The following CTBP2 variants were observed in gnomAD, a reference collection of about 807,000 sequenced individuals.
CTBP2 encodes the protein C-terminal-binding protein 2.
CTBP2 carries 30 observed loss-of-function variants against 80.3 expected under a neutral mutation model. The observed-to-expected ratio is 0.37, with a 90% CI of 0.28 to 0.51. The LOEUF (loss-of-function observed/expected upper bound fraction) is 0.51. Among genes scored for constraint, CTBP2 ranks in the 20% least tolerant of loss-of-function variants. The pLI, the probability that CTBP2 is intolerant of heterozygous loss-of-function variation, is 0.93. For synonymous variants in CTBP2, 594 were observed against 587.4 expected, an observed-to-expected ratio of 1.01 and a Z score of -0.16; for missense variants, 1,212 against 1,375.3, an observed-to-expected ratio of 0.88 and a Z score of 1.88.
chr10:124,993,351 A>G (rs755116393), intron 6 of CTBP2, 22 bp from the exon 9 acceptor site: 1 of 1,602,180 alleles, frequency 6.2e-7, no homozygotes, highest in South Asian at 1.1e-5. Flanking sequence ...TAGAAAAAAC[A>G]GAGTAAGCGG....
At chr10:125,099,100 C>T (rs1051852247) in intron 2 of CTBP2, among the ~76,000 whole-genome samples, 5 of 152,304 alleles carry the variant, frequency 3.3e-5, no homozygotes, top group African/African-American at 9.6e-5. Flanking sequence ...ACGTTCAGTA[C>T]GCACAGGTTT....
intron 1 of CTBP2, among the ~76,000 whole-genome samples, chr10:125,140,088 C>T (rs1353767423): frequency 6.6e-6 from 1 of 152,156 alleles, no homozygotes; most frequent in Admixed American, 6.5e-5. Context: ...AGTGTCCTCA[C>T]ACTACACTGG....
At chr10:125,136,316 G>A (rs1856972842) in intron 1 of CTBP2, among the ~76,000 whole-genome samples, 1 of 152,170 alleles carries the variant, frequency 6.6e-6, no homozygotes, top group African/African-American at 2.4e-5. Flanking sequence ...GCATGGGTGG[G>A]GCTCCCCAGG....
chr10:125,021,352 A>C (rs1345154685), intron 1 of CTBP2, among the ~76,000 whole-genome samples: 1 of 152,198 alleles, frequency 6.6e-6, no homozygotes, highest in Non-Finnish European at 1.5e-5. Flanking sequence ...ATACTTGCCC[A>C]AACACAAAGC....
In CTBP2 at chr10:124,989,555, T is replaced by A. The variant is rs1240898557; in HGVS notation, c.2921A>T (p.Lys974Ile). 6.2e-7 allele frequency: 1 copy of A among 1,613,470 alleles called. No homozygotes were observed. The highest frequency in any genetic ancestry group is 8.5e-7 in the Non-Finnish European group (1 of 1,179,852). ...GGGGTGCTCTCGATTGTCCCCGTGTTTTGTGGGCTGGTTGGGAGAGGGCGC... is the reference window on the plus strand; with the variant it reads ...GGGGTGCTCTCGATTGTCCCCGTGTATTGTGGGCTGGTTGGGAGAGGGCGC... Residue 974 changes from lysine (K) to isoleucine (I), a missense_variant, in exon 9 of 9, where the codon AAA (lysine) becomes ATA (isoleucine). This residue lies in a region of CTBP2 where 335 missense variants were observed against 504.7 expected (regional missense o/e 0.66). Coordinates refer to ENST00000309035, the MANE Select transcript of CTBP2 (RefSeq NM_022802.3).
At chr10:125,071,797 C>T (rs1041977539) in intron 2 of CTBP2, among the ~76,000 whole-genome samples, 1 of 152,134 alleles carries the variant, frequency 6.6e-6, no homozygotes, top group African/African-American at 2.4e-5. Flanking sequence ...ATGCGTACCA[C>T]CACCCCCAAA....
intron 3 of CTBP2, among the ~76,000 whole-genome samples, chr10:125,002,308 G>A (rs569991863): frequency 1.2e-3 from 176 of 152,300 alleles, no homozygotes; most frequent in African/African-American, 4.2e-3. Flanking sequence ...GAGCTCACAC[G>A]GGGTGCTGGG....
chr10:125,049,108 C>T (rs1962073849), intron 2 of CTBP2, among the ~76,000 whole-genome samples: 1 of 133,602 alleles, frequency 7.5e-6, no homozygotes, highest in African/African-American at 2.8e-5. Context: ...CCTGACCACA[C>T]ACATACACAC....
intron 2 of CTBP2, among the ~76,000 whole-genome samples, chr10:125,064,114 A>G (rs112814486): frequency 1.7e-4 from 26 of 152,350 alleles, no homozygotes; most frequent in African/African-American, 6.3e-4. Context: ...AGAATTTATA[A>G]ACAGCTTATA....
chr10:124,992,844 AT>A, intron 7 of CTBP2, 32 bp from the exon 10 acceptor site: 1 of 1,510,184 alleles, frequency 6.6e-7, no homozygotes, highest in East Asian at 2.3e-5. Flanking sequence ...TAATCATATT[AT>A]TTTTACAAAT....
At chr10:125,134,338 C>A (rs58032789) in intron 1 of CTBP2, among the ~76,000 whole-genome samples, 2 of 152,174 alleles carry the variant, frequency 1.3e-5, no homozygotes, top group African/African-American at 2.4e-5. Flanking sequence ...GAAGCCCCCC[C>A]GCCCCGTGCC....
chr10:125,028,714 T>C (rs977112245), upstream of CTBP2, among the ~76,000 whole-genome samples: 1 of 152,202 alleles, frequency 6.6e-6, no homozygotes, highest in East Asian at 1.9e-4. Context: ...AACAGGAGGA[T>C]GGGTGACTAA....
At chr10:125,003,861 AG>A (rs3837353) in intron 1 of CTBP2, among the ~76,000 whole-genome samples, 39,936 of 151,898 alleles carry the variant, frequency 0.26, 6,334 homozygotes, top group African/African-American at 0.45. Flanking sequence ...ACACTATGAC[AG>A]GGGATAAGGC....
intron 1 of CTBP2, among the ~76,000 whole-genome samples, chr10:125,019,358 A>T (rs913108976): frequency 1.3e-5 from 2 of 152,188 alleles, no homozygotes; most frequent in Non-Finnish European, 2.9e-5. Context: ...CCCACGTATG[A>T]GCAAGGAATC....
chr10:125,108,745 G>C (rs1275712228), intron 2 of CTBP2, among the ~76,000 whole-genome samples: 1 of 152,234 alleles, frequency 6.6e-6, no homozygotes, highest in Non-Finnish European at 1.5e-5. Flanking sequence ...GGGCCAGTGG[G>C]GCCACACTCA....
Position 125,026,758 on chromosome 10 carries a change from G to T in CTBP2, c.1002C>A (p.Pro334=), listed in dbSNP as rs1033395748. ...TCAGAACACGGGCCTGGCCCAGGTT[G>T]GGTGCGACAGACTTGATATCCGCGT... is the stretch of plus-strand genomic sequence containing the variant. Residue 334 remains proline, a synonymous_variant, in exon 1 of 9, where the codon CCC becomes CCA. Transcript: ENST00000309035. 3 of 1,612,936 alleles carry T rather than the reference G, an allele frequency of 1.9e-6. No homozygotes were observed. In the Admixed American group the frequency reaches 5.0e-5, roughly 27 times the overall value.
chr10:125,016,261 A>T (rs752246085), intron 1 of CTBP2, among the ~76,000 whole-genome samples: 67 of 151,724 alleles, frequency 4.4e-4, no homozygotes, highest in Non-Finnish European at 8.8e-4. Flanking sequence ...ATGAACCTGC[A>T]GCGAGCCGAG....
intron 1 of CTBP2, among the ~76,000 whole-genome samples, chr10:125,115,377 CAA>C (rs905617232): frequency 3.6e-4 from 55 of 152,268 alleles, no homozygotes; most frequent in African/African-American, 1.2e-3. Context: ...CTTAGGCGAT[CAA>C]AAGTTTCCCA....
intron 2 of CTBP2, among the ~76,000 whole-genome samples, chr10:125,106,845 AAAC>A (rs1485848509): frequency 6.6e-6 from 1 of 152,248 alleles, no homozygotes; most frequent in Non-Finnish European, 1.5e-5. Context: ...AGGAAGCGGA[AAAC>A]AACAGTAACA....
Sources: gnomAD v4.1 joint callset for allele counts (sites outside exome capture counted in the v4.1 genomes callset) on GRCh38, gnomAD v4.1.1 for gene constraint, gnomAD v4.1.1 regional missense constraint, MANE v1.5 for transcripts, NCBI Gene and HGNC (gene_info 2026-07-23, HGNC 2026-07-21) for gene names.